MIR17HG: variants seen among roughly 807,000 people sequenced by gnomAD.
MIR17HG encodes MIR17 host gene (non-protein coding).
Position 91,351,167 on chromosome 13 carries a change from CCAAT to C in MIR17HG, n.284+945_284+948del, listed in dbSNP as rs533088983. ...TAGAACTCCAGCTTCGGCCTGTCGC[CCAAT>C]CAAACTGTCCTGTTACTGAACACTG... On this transcript the variant is annotated intron_variant and non_coding_transcript_variant, in intron 3 of 3. Coordinates refer to ENST00000400282, the Ensembl canonical transcript of MIR17HG. 260 of 525,524 alleles carry C rather than the reference CCAAT, an allele frequency of 4.9e-4. 4 individuals carry two copies. Among genetic ancestry groups the C allele is most frequent in the South Asian group, 3.2e-3 (232 of 71,472 alleles). 32.6% of individuals were successfully genotyped at this position (525,524 alleles called of 1,614,324 possible). A position where few individuals can be genotyped will look rare whatever the true frequency, so the allele number is the denominator to read the frequency against.
At chr13:91,354,491 TTTAATG>T (rs1443842408) in exon 4 of MIR17HG, 1 of 152,232 alleles carries the variant, frequency 6.6e-6, no homozygotes, top group Non-Finnish European at 1.5e-5. Flanking sequence ...TTCTAGCGCA[TTTAATG>T]TTAATAAATA....
chr13:91,351,170 A>G (rs769561768), intron 3 of MIR17HG: 8 of 525,200 alleles, frequency 1.5e-5, no homozygotes, highest in Non-Finnish European at 2.4e-5. Context: ...CTGTCGCCCA[A>G]TCAAACTGTC....
chr13:91,351,349 G>A (rs1240945427), intron 3 of MIR17HG: 1 of 530,994 alleles, frequency 1.9e-6, no homozygotes. Flanking sequence ...GCAATGCTGT[G>A]TTTCTGTATG....
exon 2 of MIR17HG, chr13:91,349,742 C>G (rs1875193334): frequency 6.6e-6 from 1 of 152,126 alleles, no homozygotes; most frequent in African/African-American, 2.4e-5. Context: ...TCTGAGAATA[C>G]TTGCTGAAAA....
intron 3 of MIR17HG, among the ~76,000 whole-genome samples, chr13:91,352,613 G>A (rs542168248): frequency 7.9e-5 from 12 of 152,178 alleles, no homozygotes; most frequent in African/African-American, 2.9e-4. Flanking sequence ...ACTTAGCCTT[G>A]GATTCCTGAA....
intron 2 of MIR17HG, chr13:91,349,889 A>G (rs1420770358): frequency 2.6e-5 from 4 of 152,228 alleles, no homozygotes; most frequent in African/African-American, 4.8e-5. Flanking sequence ...TCTTTAGACA[A>G]TGTACCTTTT....
intron 3 of MIR17HG, among the ~76,000 whole-genome samples, chr13:91,353,531 G>A (rs1234566679): frequency 6.6e-6 from 1 of 152,124 alleles, no homozygotes; most frequent in Non-Finnish European, 1.5e-5. Flanking sequence ...GATTTTCTTA[G>A]GCATGCTAAC....
chr13:91,353,661 C>A (rs998545612), intron 3 of MIR17HG, among the ~76,000 whole-genome samples: 2 of 152,128 alleles, frequency 1.3e-5, no homozygotes, highest in African/African-American at 2.4e-5. Flanking sequence ...TGAGAAAAAA[C>A]AACTTTGACC....
exon 1 of MIR17HG, chr13:91,347,831 C>CGCGGG (rs1354946068): frequency 6.6e-6 from 1 of 151,256 alleles, no homozygotes; most frequent in Non-Finnish European, 1.5e-5. Context: ...AAGCTCTCCT[C>CGCGGG]GCGGGGCGGG....
In MIR17HG at chr13:91,354,130, C is replaced by T. The variant is rs1864646764; in HGVS notation, n.482C>T. On this transcript the variant is annotated non_coding_transcript_exon_variant, in exon 4 of 4. Coordinates refer to ENST00000400282, the Ensembl canonical transcript of MIR17HG. ...TAACTTTAGAGAATTAAGAGCCTCT[C>T]AACTGAGCAGTAAAGGTAAGGAGAG... 3 of 152,232 alleles carry T rather than the reference C, an allele frequency of 2.0e-5. No homozygotes were observed. The South Asian group carries it at 6.2e-4, about 31-fold the overall frequency. The allele number at this position is 152,232 out of a possible 1,614,324, so 9.4% of individuals were successfully genotyped here.
intron 3 of MIR17HG, chr13:91,351,024 C>T (rs752888432): frequency 1.1e-5 from 6 of 527,418 alleles, no homozygotes; most frequent in South Asian, 2.8e-5. Flanking sequence ...TTTATTGTGT[C>T]GATGTAGAAT....
At chr13:91,353,024 C>T (rs1875402268) in intron 3 of MIR17HG, among the ~76,000 whole-genome samples, 1 of 147,482 alleles carries the variant, frequency 6.8e-6, no homozygotes, top group Admixed American at 6.9e-5. Context: ...GCAGGAGAAT[C>T]ACCTGAACCT....
intron 1 of MIR17HG, among the ~76,000 whole-genome samples, chr13:91,349,408 G>A (rs1327287718): frequency 1.3e-5 from 2 of 151,924 alleles, no homozygotes; most frequent in African/African-American, 2.4e-5. Context: ...TACTGGAGCT[G>A]TACAGTGGAG....
exon 4 of MIR17HG, chr13:91,354,074 C>T (rs761794638): frequency 2.6e-5 from 4 of 152,572 alleles, no homozygotes; most frequent in Non-Finnish European, 4.4e-5. Flanking sequence ...TAATGATACA[C>T]TGTTTAATTG....
chr13:91,352,969 G>C (rs1311893784), intron 3 of MIR17HG, among the ~76,000 whole-genome samples: 2 of 151,844 alleles, frequency 1.3e-5, no homozygotes, highest in Admixed American at 6.6e-5. Flanking sequence ...AATTAGCCGG[G>C]TGCAGTGGCG....
intron 3 of MIR17HG, chr13:91,352,282 T>C (rs1173794869): frequency 6.6e-6 from 1 of 152,212 alleles, no homozygotes; most frequent in African/African-American, 2.4e-5. Flanking sequence ...TTCTGCCTTC[T>C]CTCTTTTCTT....
intron 1 of MIR17HG, chr13:91,348,007 G>A (rs1025134953): frequency 4.0e-5 from 6 of 151,488 alleles, no homozygotes; most frequent in African/African-American, 1.2e-4. Context: ...TGTTGTGTGC[G>A]GCCCGGGTCT....
At chr13:91,348,743 A>T (rs934068862) in intron 1 of MIR17HG, among the ~76,000 whole-genome samples, 1 of 150,250 alleles carries the variant, frequency 6.7e-6, no homozygotes, top group Non-Finnish European at 1.5e-5. Context: ...CGGGAGGGCC[A>T]GCCCGGCTCG....
At chr13:91,353,838 G>GA (rs1281439069) in intron 3 of MIR17HG, 2 of 151,476 alleles carry the variant, frequency 1.3e-5, no homozygotes, top group African/African-American at 2.4e-5. Context: ...CCTATATTTG[G>GA]AAAGAAAGCA....
Sources: allele counts gnomAD v4.1 joint callset (sites outside exome capture counted in the v4.1 genomes callset), GRCh38; gene constraint gnomAD v4.1.1; transcripts MANE v1.5; gene names NCBI Gene and HGNC (gene_info 2026-07-23, HGNC 2026-07-21).